The following FTO variants were observed in gnomAD, a reference collection of about 807,000 sequenced individuals.
The protein encoded by FTO is alpha-ketoglutarate-dependent dioxygenase FTO.
A neutral mutation model predicts 63.9 loss-of-function variants in FTO; 47 were observed. The ratio of observed to expected loss-of-function variants is 0.74; its 90% CI spans 0.58 to 0.94. The LOEUF (loss-of-function observed/expected upper bound fraction) is 0.94, where lower values mean the gene tolerates loss of function less well. Ranked by LOEUF, FTO falls within the 40% of genes least tolerant of loss-of-function variation. The pLI, the probability that FTO is intolerant of heterozygous loss-of-function variation, is 0.00. For missense variants in FTO, 562 were observed against 618.1 expected (o/e 0.91, Z 0.96); for synonymous variants, 207 against 224.4 (o/e 0.92, Z 0.69).
intron 5 of FTO, among the ~76,000 whole-genome samples, chr16:53,878,267 T>G (rs1266994104): frequency 6.6e-6 from 1 of 152,100 alleles, no homozygotes; most frequent in African/African-American, 2.4e-5. Context: ...CACGCCACTG[T>G]ACTCTGGTCT....
chr16:53,731,327 G>A (rs1412160691), intron 1 of FTO, among the ~76,000 whole-genome samples: 1 of 152,152 alleles, frequency 6.6e-6, no homozygotes, highest in East Asian at 1.9e-4. Flanking sequence ...GCTTCTCCAG[G>A]TGGGGGCCTG....
At chr16:53,819,111 A>T (rs749729470) in intron 2 of FTO, among the ~76,000 whole-genome samples, 6 of 152,212 alleles carry the variant, frequency 3.9e-5, no homozygotes, top group Non-Finnish European at 7.3e-5. Flanking sequence ...AAATGTTTTA[A>T]TGCAAATTTG....
intron 8 of FTO, 33 bp from the exon 9 acceptor site, chr16:54,111,729 C>T: frequency 6.2e-7 from 1 of 1,613,762 alleles, no homozygotes; most frequent in Non-Finnish European, 8.5e-7. Context: ...GGGTTTCCTC[C>T]CGTGGATTAA....
At chr16:53,962,767 C>T (rs1293386092) in intron 8 of FTO, among the ~76,000 whole-genome samples, 1 of 152,146 alleles carries the variant, frequency 6.6e-6, no homozygotes, top group Admixed American at 6.5e-5. Flanking sequence ...TTCTGATATT[C>T]ATAACCTTTG....
chr16:54,101,424 C>G (rs2086640838), intron 8 of FTO, among the ~76,000 whole-genome samples: 1 of 152,212 alleles, frequency 6.6e-6, no homozygotes, highest in African/African-American at 2.4e-5. Flanking sequence ...GCCTCCAGCT[C>G]CATCCACGTT....
chr16:53,739,791 C>G (rs1035382863), intron 1 of FTO, among the ~76,000 whole-genome samples: 4 of 151,184 alleles, frequency 2.6e-5, no homozygotes, highest in African/African-American at 9.7e-5. Flanking sequence ...ATAAAATGAA[C>G]CATTTTAAAG....
At chr16:54,094,441 A>C (rs1464704978) in intron 8 of FTO, among the ~76,000 whole-genome samples, 1 of 152,188 alleles carries the variant, frequency 6.6e-6, no homozygotes, top group Non-Finnish European at 1.5e-5. Flanking sequence ...CTTTCTAACC[A>C]AGTCATTTCA....
At chr16:53,863,728 T>C (rs935701581) in intron 4 of FTO, among the ~76,000 whole-genome samples, 1 of 152,270 alleles carries the variant, frequency 6.6e-6, no homozygotes, top group African/African-American at 2.4e-5. Flanking sequence ...CCTTGCTCTC[T>C]GAGTGCCCTG....
chr16:53,820,929 A>G (rs887660441), intron 2 of FTO, among the ~76,000 whole-genome samples: 6 of 152,100 alleles, frequency 3.9e-5, no homozygotes, highest in Admixed American at 2.6e-4. Context: ...GGTCAGAGAG[A>G]AAGGGGACAT....
intron 8 of FTO, among the ~76,000 whole-genome samples, chr16:54,095,994 C>T (rs1209926238): frequency 1.3e-5 from 2 of 152,178 alleles, no homozygotes; most frequent in East Asian, 1.9e-4. Flanking sequence ...AGTTTATAAC[C>T]GATACATGTG....
intron 8 of FTO, among the ~76,000 whole-genome samples, chr16:54,093,791 A>G (rs1254390548): frequency 3.3e-5 from 5 of 151,942 alleles, no homozygotes; most frequent in African/African-American, 1.2e-4. Context: ...CCTCCACCCC[A>G]CCCTGCCTTT....
intron 6 of FTO, 132 bp downstream of exon 6, chr16:53,880,119 C>T (rs920135409): frequency 7.6e-5 from 52 of 683,994 alleles, no homozygotes; most frequent in South Asian, 4.0e-4. Context: ...CTCAAGCTCC[C>T]GAATAGGTGG....
chr16:54,012,167 A>T (rs563080290), intron 8 of FTO, among the ~76,000 whole-genome samples: 2 of 152,328 alleles, frequency 1.3e-5, no homozygotes, highest in South Asian at 4.1e-4. Flanking sequence ...ATGTGACTCC[A>T]GTGAACACAT....
chr16:54,074,048 G>A (rs2085930665), intron 8 of FTO, among the ~76,000 whole-genome samples: 1 of 151,780 alleles, frequency 6.6e-6, no homozygotes, highest in African/African-American at 2.4e-5. Flanking sequence ...TGTTTTATCA[G>A]GACTTGCTGA....
intron 4 of FTO, among the ~76,000 whole-genome samples, chr16:53,851,802 A>C (rs2079805868): frequency 1.3e-5 from 2 of 152,082 alleles, no homozygotes; most frequent in Non-Finnish European, 2.9e-5. Context: ...CAAGGAAATA[A>C]AAATTGAAAG....
At chr16:53,954,829 A>C (rs1257496115) in intron 8 of FTO, among the ~76,000 whole-genome samples, 1 of 151,848 alleles carries the variant, frequency 6.6e-6, no homozygotes, top group Non-Finnish European at 1.5e-5. Context: ...GCTAATGTTT[A>C]AGGAGCCTGA....
At chr16:53,925,783 G>T (rs958266749) in intron 7 of FTO, among the ~76,000 whole-genome samples, 2 of 152,182 alleles carry the variant, frequency 1.3e-5, no homozygotes, top group Non-Finnish European at 2.9e-5. Context: ...CATACTGAAA[G>T]TTACTGACTG....
Position 54,112,127 on chromosome 16 carries a change from A to T in FTO, c.*212A>T. ...ATAGTCTGATTTGGTGTTAAACAGG[A>T]CCTTCTTCCCCCAAAATTGTTCAGA... On this transcript the variant is annotated 3_prime_UTR_variant, in exon 9 of 9. Coordinates refer to ENST00000471389, the MANE Select transcript of FTO (RefSeq NM_001080432.3). 1.7e-6 allele frequency: 1 copy of T among 585,498 alleles called. No homozygotes were observed. Among genetic ancestry groups the T allele is most frequent in the East Asian group, 3.0e-5 (1 of 33,556 alleles). 36.3% of individuals were successfully genotyped at this position (585,498 alleles called of 1,614,324 possible).
intron 1 of FTO, among the ~76,000 whole-genome samples, chr16:53,748,782 G>C (rs1350357292): frequency 6.6e-6 from 1 of 150,898 alleles, no homozygotes; most frequent in Non-Finnish European, 1.5e-5. Flanking sequence ...TTATTTTTTT[G>C]AAACGGATTC....
Sources: gnomAD v4.1 joint callset for allele counts (sites outside exome capture counted in the v4.1 genomes callset) on GRCh38, gnomAD v4.1.1 for gene constraint, MANE v1.5 for transcripts, NCBI Gene and HGNC (gene_info 2026-07-23, HGNC 2026-07-21) for gene names.